AGFG1: variants seen among roughly 807,000 people sequenced by gnomAD.
The protein encoded by AGFG1 is ArfGAP with FG repeats 1.
In AGFG1, 10 loss-of-function variants were observed where a neutral mutation model predicts 60.6. The observed-to-expected ratio is 0.16, with a 90% CI of 0.10 to 0.28. The LOEUF (loss-of-function observed/expected upper bound fraction) is 0.28, where lower values mean the gene tolerates loss of function less well. Among genes scored for constraint, AGFG1 ranks in the 10% least tolerant of loss-of-function variants. The probability of loss-of-function intolerance (pLI) is 1.00; values close to 1 mark genes in which losing one functional copy is unlikely to be tolerated. For synonymous variants in AGFG1, 247 were observed against 242.9 expected, an observed-to-expected ratio of 1.02 and a Z score of -0.16; for missense variants, 537 against 676.5, an observed-to-expected ratio of 0.79 and a Z score of 2.29.
rs1575122811 is a variant in AGFG1 at position 227,554,777 on chromosome 2, T to C, written c.*282T>C. On this transcript the variant is annotated 3_prime_UTR_variant, in exon 13 of 13. Coordinates refer to ENST00000310078, the MANE Select transcript of AGFG1 (RefSeq NM_004504.5). ...TACCACATTCATTATGCTGCAGTAC[T>C]GTACATATTTTTCTTAGAAATTAGC... 3 of 254,142 alleles carry C rather than the reference T, an allele frequency of 1.2e-5. No individual in the cohort carries two copies. Among genetic ancestry groups the C allele is most frequent in the Non-Finnish European group, 2.2e-5 (3 of 133,808 alleles). 15.7% of individuals were successfully genotyped at this position (254,142 alleles called of 1,614,324 possible). A position where few individuals can be genotyped will look rare whatever the true frequency, so the allele number is the denominator to read the frequency against.
chr2:227,484,688 G>GTTTTTTTTTTTTTTTTTTTTTTTTTTTTT (rs745570416), intron 1 of AGFG1, among the ~76,000 whole-genome samples: 1 of 25,092 alleles, frequency 4.0e-5, no homozygotes. Context: ...TTTTTTTTTT[G>GTTTTTTTTTTTTTTTTTTTTTTTTTTTTT]TTTTTTTTTT....
chr2:227,532,196 T>C, intron 6 of AGFG1: 1 of 1,548,518 alleles, frequency 6.5e-7, no homozygotes, highest in Admixed American at 2.0e-5. Context: ...CTTTTCCTCT[T>C]CAGGCTACCC....
chr2:227,536,919 C>G lies in AGFG1; in HGVS notation c.1304C>G (p.Pro435Arg), dbSNP rs1337409826. Residue 435 changes from proline to arginine, a missense_variant, in exon 10 of 13, where the codon CCA becomes CGA. By Grantham distance (103) the Pro-to-Arg change is moderately radical. Coordinates refer to ENST00000310078, the MANE Select transcript of AGFG1 (RefSeq NM_004504.5). ...TTTAAAGCTACGCCTTCCACAAATC[C>G]ATTTGTTGCTGCTGCTGGTCCTTCT... Reference protein sequence around the residue: ...APFGATPSTNPFVAAAGPSVA... With the variant: ...APFGATPSTNRFVAAAGPSVA... 2 of 1,612,250 alleles carry G rather than the reference C, an allele frequency of 1.2e-6. No individual in the cohort carries two copies.
intron 2 of AGFG1, 142 bp from the exon 3 acceptor site, chr2:227,519,806 C>A: frequency 1.9e-6 from 1 of 522,734 alleles, no homozygotes; most frequent in Non-Finnish European, 3.4e-6. Context: ...AATTTAGTTC[C>A]TGTTTATTAG....
At chr2:227,504,804 A>G (rs1398820314) in intron 2 of AGFG1, among the ~76,000 whole-genome samples, 1 of 151,804 alleles carries the variant, frequency 6.6e-6, no homozygotes, top group Non-Finnish European at 1.5e-5. Flanking sequence ...TTTTTGATAT[A>G]TTTTCACTGC....
At chr2:227,522,485 C>T (rs1473121885) in intron 3 of AGFG1, among the ~76,000 whole-genome samples, 8 of 152,160 alleles carry the variant, frequency 5.3e-5, no homozygotes, top group Non-Finnish European at 1.0e-4. Context: ...TGACAGTGAA[C>T]ACTTAGTTAA....
At chr2:227,528,761 C>G (rs1692069438) in intron 5 of AGFG1, among the ~76,000 whole-genome samples, 1 of 152,328 alleles carries the variant, frequency 6.6e-6, no homozygotes, top group Non-Finnish European at 1.5e-5. Context: ...TTAGACAAGT[C>G]ACTGCAACTC....
At chr2:227,532,250 A>G (rs1165101701) in intron 6 of AGFG1, 8 of 1,451,320 alleles carry the variant, frequency 5.5e-6, no homozygotes, top group Non-Finnish European at 6.5e-6. Context: ...ACTAATTTGT[A>G]TATTTTTGCT....
intron 10 of AGFG1, among the ~76,000 whole-genome samples, chr2:227,544,873 C>T (rs1692598200): frequency 6.6e-6 from 1 of 152,150 alleles, no homozygotes; most frequent in Non-Finnish European, 1.5e-5. Context: ...CGACCTTTCT[C>T]TCTGGCTGCC....
chr2:227,479,980 A>T (rs2106154598), intron 1 of AGFG1, among the ~76,000 whole-genome samples: 1 of 152,362 alleles, frequency 6.6e-6, no homozygotes, highest in Non-Finnish European at 1.5e-5. Context: ...TCTGACTAAG[A>T]TAGCAATCTT....
chr2:227,533,558 C>G lies in AGFG1; in HGVS notation c.824C>G (p.Ala275Gly), dbSNP rs1575104691. Residue 275 changes from alanine to glycine, a missense_variant, in exon 7 of 13, where the codon GCT (alanine) becomes GGT (glycine). Ala to Gly is a moderately conservative substitution (Grantham distance 60, BLOSUM62 0). Transcript: ENST00000310078. Reference sequence around the variant, plus strand: ...GTTTATTCTGTTACAGGTGGAAGTGCTGCATCAGTAAATGCTAATTTTGCT... The same window carrying G: ...GTTTATTCTGTTACAGGTGGAAGTGGTGCATCAGTAAATGCTAATTTTGCT... ...PFQPQTTGGSAASVNANFAHF... is the reference protein window; with the variant it reads ...PFQPQTTGGSGASVNANFAHF... 6.2e-7 allele frequency: 1 copy of G among 1,613,470 alleles called. No homozygotes were observed. The highest frequency in any genetic ancestry group is 1.1e-5 in the South Asian group (1 of 91,060).
At chr2:227,500,355 A>T (rs1379735482) in intron 2 of AGFG1, among the ~76,000 whole-genome samples, 1 of 152,024 alleles carries the variant, frequency 6.6e-6, no homozygotes, top group African/African-American at 2.4e-5. Flanking sequence ...TTGATAGGAG[A>T]ACTTGTCCTG....
intron 8 of AGFG1, among the ~76,000 whole-genome samples, chr2:227,535,737 G>A (rs61046720): frequency 0.21 from 31,820 of 151,936 alleles, 4,687 homozygotes; most frequent in African/African-American, 0.42. Flanking sequence ...TTTTCCTTTA[G>A]CATCTTTTCT....
At chr2:227,493,343 C>T (rs947247431) in intron 2 of AGFG1, among the ~76,000 whole-genome samples, 8 of 152,172 alleles carry the variant, frequency 5.3e-5, no homozygotes, top group African/African-American at 1.4e-4. Context: ...CCTGTTGCCC[C>T]GATTCTACTC....
chr2:227,502,306 CTG>C (rs1691183081), intron 2 of AGFG1, among the ~76,000 whole-genome samples: 1 of 151,976 alleles, frequency 6.6e-6, no homozygotes, highest in Admixed American at 6.6e-5. Context: ...TTCTCCCAGT[CTG>C]TGGTTTTTTG....
In AGFG1 at chr2:227,560,945, C is replaced by T. The variant is rs955079152; in HGVS notation, c.*6450C>T. ...CACTTTAAATCCTAGGAATAGGGAA[C>T]AAGGAAACTTACTGGGAAGTTCAAA... On this transcript the variant is annotated 3_prime_UTR_variant, in exon 13 of 13. Coordinates refer to ENST00000310078, the MANE Select transcript of AGFG1 (RefSeq NM_004504.5). 1 of 152,118 alleles carries T rather than the reference C, an allele frequency of 6.6e-6. No individual in the cohort carries two copies. The highest frequency in any genetic ancestry group is 2.4e-5 in the African/African-American group (1 of 41,436). 9.4% of individuals were successfully genotyped at this position (152,118 alleles called of 1,614,324 possible). A position where few individuals can be genotyped will look rare whatever the true frequency, so the allele number is the denominator to read the frequency against.
At chr2:227,475,684 G>GCAGGTGTTAT (rs1323154970) in intron 1 of AGFG1, among the ~76,000 whole-genome samples, 1 of 152,132 alleles carries the variant, frequency 6.6e-6, no homozygotes, top group East Asian at 1.9e-4. Flanking sequence ...TGTTATGCTA[G>GCAGGTGTTAT]GCCACTACAT....
intron 11 of AGFG1, 26 bp from the exon 12 acceptor site, chr2:227,553,678 A>T (rs768627815): frequency 1.3e-6 from 2 of 1,582,216 alleles, no homozygotes; most frequent in Non-Finnish European, 1.7e-6. Flanking sequence ...GGTATGGGTT[A>T]TAATTGGTGG....
At chr2:227,531,386 T>C (rs1392131237) in intron 6 of AGFG1, among the ~76,000 whole-genome samples, 176 bp downstream of exon 6, 2 of 152,194 alleles carry the variant, frequency 1.3e-5, no homozygotes, top group Non-Finnish European at 2.9e-5. Context: ...TGTTCATTTG[T>C]TTTTCTGCAT....
Sources: allele counts gnomAD v4.1 joint callset (sites outside exome capture counted in the v4.1 genomes callset), GRCh38; gene constraint gnomAD v4.1.1; transcripts MANE v1.5; gene names NCBI Gene and HGNC (gene_info 2026-07-23, HGNC 2026-07-21).